The following ANK3 variants were observed in gnomAD, a reference collection of about 807,000 sequenced individuals.
The protein encoded by ANK3 is ankyrin 3.
Under a neutral mutation model 370.9 loss-of-function variants are expected in ANK3, and 57 were observed. That is an observed-to-expected ratio of 0.15 (90% confidence interval 0.12 to 0.19). ANK3 has a LOEUF of 0.19. Among genes scored for constraint, ANK3 ranks in the 10% least tolerant of loss-of-function variants. The probability of loss-of-function intolerance (pLI) is 1.00; values close to 1 mark genes in which losing one functional copy is unlikely to be tolerated. For synonymous variants in ANK3, 1,929 were observed against 1,946.3 expected (o/e 0.99, Z 0.23); for missense variants, 4,439 against 5,302.1 (o/e 0.84, Z 5.06).
intron 42 of ANK3, among the ~76,000 whole-genome samples, chr10:60,054,691 A>G (rs2078799185): frequency 6.6e-6 from 1 of 152,178 alleles, no homozygotes. Context: ...TAAACCTCAA[A>G]TCAATCTTGA....
intron 2 of ANK3, among the ~76,000 whole-genome samples, chr10:60,554,561 A>G (rs1216062897): frequency 6.6e-6 from 1 of 152,180 alleles, no homozygotes; most frequent in Non-Finnish European, 1.5e-5. Context: ...AAAGGAAGTA[A>G]ATGAATGCAT....
At chr10:60,474,351 G>C (rs1938533) in intron 2 of ANK3, among the ~76,000 whole-genome samples, 114,355 of 151,924 alleles carry the variant, frequency 0.75, 43,057 homozygotes, top group South Asian at 0.88. Context: ...ATCTTTATGG[G>C]ATTCTAATGC....
chr10:60,315,172 T>C (rs2047142336), intron 1 of ANK3, among the ~76,000 whole-genome samples: 1 of 152,182 alleles, frequency 6.6e-6, no homozygotes, highest in South Asian at 2.1e-4. Context: ...CAGTCAGAAC[T>C]GTAGGGCCAG....
chr10:60,322,800 G>GA (rs2048954743), intron 1 of ANK3, among the ~76,000 whole-genome samples: 1 of 149,112 alleles, frequency 6.7e-6, no homozygotes, highest in Non-Finnish European at 1.5e-5. Flanking sequence ...ACCTATGGGG[G>GA]GGAAAAAAAA....
intron 1 of ANK3, among the ~76,000 whole-genome samples, chr10:60,339,878 C>G (rs1463818037): frequency 1.3e-5 from 2 of 152,170 alleles, no homozygotes; most frequent in East Asian, 3.9e-4. Flanking sequence ...ACAAATATGA[C>G]TTTTTGCAAA....
At chr10:60,148,417 C>G (rs1254474552) in intron 23 of ANK3, among the ~76,000 whole-genome samples, 1 of 152,132 alleles carries the variant, frequency 6.6e-6, no homozygotes, top group Admixed American at 6.6e-5. Flanking sequence ...GAAACTATAT[C>G]TAGCCTGGAT....
intron 2 of ANK3, among the ~76,000 whole-genome samples, chr10:60,539,796 T>G (rs1411679861): frequency 6.6e-6 from 1 of 151,940 alleles, no homozygotes; most frequent in East Asian, 1.9e-4. Context: ...TCACCCACCA[T>G]GTATTTATTG....
At chr10:60,689,097 G>T (rs2079311876) in intron 1 of ANK3, among the ~76,000 whole-genome samples, 1 of 152,176 alleles carries the variant, frequency 6.6e-6, no homozygotes, top group African/African-American at 2.4e-5. Flanking sequence ...AGAGAATGGA[G>T]GTCTACATAG....
chr10:60,080,767 C>T (rs954421829), intron 35 of ANK3, 149 bp from the exon 36 acceptor site: 4 of 722,548 alleles, frequency 5.5e-6, no homozygotes, highest in South Asian at 1.9e-5. Context: ...TGTAACCCCA[C>T]CCCCCATGTC....
In ANK3 at chr10:60,684,288, G is replaced by A. The variant is rs772826055; in HGVS notation, c.57+48975C>T. 5.9e-5 allele frequency among the ~76,000 whole-genome samples: 9 copies of A among 152,280 alleles called. No homozygotes were observed. In the East Asian group the frequency reaches 7.7e-4, roughly 13 times the overall value. ...AACCACCATTAGGACAGTCTGGCGC[G>A]TCGCGCCCACCTGGCGCTCAGGCCT... On this transcript the variant is annotated intron_variant, in intron 1 of 43. Coordinates refer to the ANK3 transcript ENST00000373827.
At chr10:60,338,611 T>C (rs1020311426) in intron 1 of ANK3, among the ~76,000 whole-genome samples, 1 of 152,026 alleles carries the variant, frequency 6.6e-6, no homozygotes, top group African/African-American at 2.4e-5. Flanking sequence ...TGACGTTGTG[T>C]CCCCCCAGCC....
intron 2 of ANK3, among the ~76,000 whole-genome samples, chr10:60,531,537 T>C (rs2076606225): frequency 6.6e-6 from 1 of 152,124 alleles, no homozygotes; most frequent in South Asian, 2.1e-4. Flanking sequence ...TTTTTTGAAA[T>C]AGCTGATATA....
At chr10:60,421,610 C>T (rs1442852996) in intron 2 of ANK3, among the ~76,000 whole-genome samples, 1 of 151,936 alleles carries the variant, frequency 6.6e-6, no homozygotes, top group Non-Finnish European at 1.5e-5. Context: ...GGTCTTGTGA[C>T]TGACCTCCCT....
At chr10:60,489,729 T>C (rs971017719) in intron 2 of ANK3, among the ~76,000 whole-genome samples, 1 of 152,214 alleles carries the variant, frequency 6.6e-6, no homozygotes, top group African/African-American at 2.4e-5. Flanking sequence ...CTTTAAAATA[T>C]GTATGTATCC....
chr10:60,282,013 T>A (rs1304523457), intron 1 of ANK3, among the ~76,000 whole-genome samples: 1 of 152,178 alleles, frequency 6.6e-6, no homozygotes, highest in Non-Finnish European at 1.5e-5. Context: ...GAGGTTAGTT[T>A]TTTGTTTATA....
intron 2 of ANK3, among the ~76,000 whole-genome samples, chr10:60,565,498 C>G (rs931747598): frequency 6.6e-6 from 1 of 152,134 alleles, no homozygotes; most frequent in African/African-American, 2.4e-5. Context: ...TTAATACTTC[C>G]CTGCTCAAGT....
rs754783156 is a variant in ANK3, at chr10:60,071,317, C to A, written c.9564G>T (p.Ser3188=). Residue 3188 remains serine, a synonymous_variant, in exon 37 of 44, where the codon TCG becomes TCT. Transcript: ENST00000280772. ...SYEFTSKTPD[S]LIAYIPGKPS... ...GTTTGCCTGGTATATAAGCTATGAG[C>A]GAGTCAGGTGTCTTAGATGTAAATT... The A allele has an allele frequency of 3.5e-5, 57 of 1,614,038 alleles. No individual in the cohort carries two copies. The highest frequency in any genetic ancestry group is 4.6e-5 in the Non-Finnish European group (54 of 1,179,982).
intron 2 of ANK3, among the ~76,000 whole-genome samples, chr10:60,444,905 CT>C (rs1278411175): frequency 1.3e-5 from 2 of 152,028 alleles, no homozygotes; most frequent in African/African-American, 2.4e-5. Flanking sequence ...GTTGGTAAAA[CT>C]TTTTTTCTTG....
chr10:60,622,286 C>T (rs1169348961), intron 1 of ANK3, among the ~76,000 whole-genome samples: 1 of 151,760 alleles, frequency 6.6e-6, no homozygotes, highest in African/African-American at 2.4e-5. Flanking sequence ...GCTCTGTTGC[C>T]CAGGCTGGAG....
Sources: allele counts gnomAD v4.1 joint callset (sites outside exome capture counted in the v4.1 genomes callset), GRCh38; gene constraint gnomAD v4.1.1; transcripts MANE v1.5; gene names NCBI Gene and HGNC (gene_info 2026-07-23, HGNC 2026-07-21).